NTNG1: variants seen among roughly 807,000 people sequenced by gnomAD.
NTNG1 encodes netrin G1.
A neutral mutation model predicts 54.0 loss-of-function variants in NTNG1; 16 were observed. The ratio of observed to expected loss-of-function variants is 0.30; its 90% confidence interval spans 0.20 to 0.45. The LOEUF (loss-of-function observed/expected upper bound fraction) is 0.45. Among genes scored for constraint, NTNG1 ranks in the 20% least tolerant of loss-of-function variants. The pLI is 1.00. For missense variants in NTNG1, 530 were observed against 678.7 expected (o/e 0.78, Z 2.43); for synonymous variants, 255 against 263.1 (o/e 0.97, Z 0.30).
chr1:107,350,829 A>C (rs1032490115), intron 3 of NTNG1, among the ~76,000 whole-genome samples: 4 of 152,198 alleles, frequency 2.6e-5, no homozygotes, highest in African/African-American at 9.6e-5. Context: ...GATGGTTGCC[A>C]GGGGATGGGA....
At chr1:107,264,316 T>C (rs1246755423) in intron 2 of NTNG1, among the ~76,000 whole-genome samples, 3 of 152,198 alleles carry the variant, frequency 2.0e-5, no homozygotes, top group East Asian at 1.9e-4. Context: ...ACACAATTTG[T>C]TGGAGGTTGA....
At chr1:107,188,061 AT>A (rs11373664) in intron 2 of NTNG1, among the ~76,000 whole-genome samples, 1 of 151,314 alleles carries the variant, frequency 6.6e-6, no homozygotes, top group African/African-American at 2.4e-5. Flanking sequence ...TGGCATAGGC[AT>A]TTTTTTTTGA....
intron 2 of NTNG1, among the ~76,000 whole-genome samples, chr1:107,162,887 A>G (rs1655513530): frequency 6.6e-6 from 1 of 152,214 alleles, no homozygotes; most frequent in Non-Finnish European, 1.5e-5. Flanking sequence ...TAAATATTGC[A>G]TCATCCATCA....
At chr1:107,460,085 GA>G (rs1459068551) in intron 7 of NTNG1, among the ~76,000 whole-genome samples, 1 of 152,088 alleles carries the variant, frequency 6.6e-6, no homozygotes, top group Non-Finnish European at 1.5e-5. Flanking sequence ...GTCAGGAAAG[GA>G]AAACCTCTAG....
At chr1:107,310,626 G>C (rs1666952458) in intron 2 of NTNG1, among the ~76,000 whole-genome samples, 1 of 152,036 alleles carries the variant, frequency 6.6e-6, no homozygotes, top group African/African-American at 2.4e-5. Flanking sequence ...TATATATCAG[G>C]TATGAACTTG....
At chr1:107,464,179 C>T (rs1182079128) in intron 7 of NTNG1, among the ~76,000 whole-genome samples, 1 of 152,198 alleles carries the variant, frequency 6.6e-6, no homozygotes, top group Admixed American at 6.5e-5. Context: ...TCTTTTCTTT[C>T]TTCGCAATCT....
At chr1:107,246,566 C>T (rs1300932521) in intron 2 of NTNG1, among the ~76,000 whole-genome samples, 2 of 151,904 alleles carry the variant, frequency 1.3e-5, no homozygotes, top group Non-Finnish European at 2.9e-5. Flanking sequence ...GCTGGGTTTC[C>T]ATTTGATTTT....
chr1:107,179,084 A>G (rs768337924), intron 2 of NTNG1, among the ~76,000 whole-genome samples: 3 of 152,194 alleles, frequency 2.0e-5, no homozygotes, highest in Non-Finnish European at 4.4e-5. Flanking sequence ...CAAAGAGAAG[A>G]CCCAGGGAGG....
At chr1:107,206,060 G>A (rs1204854948) in intron 2 of NTNG1, among the ~76,000 whole-genome samples, 1 of 152,072 alleles carries the variant, frequency 6.6e-6, no homozygotes, top group Non-Finnish European at 1.5e-5. Flanking sequence ...CAGGGCTGCT[G>A]AAACTTTCTA....
intron 4 of NTNG1, among the ~76,000 whole-genome samples, chr1:107,397,228 G>A (rs1672738731): frequency 1.3e-5 from 2 of 152,118 alleles, no homozygotes; most frequent in South Asian, 4.1e-4. Flanking sequence ...TGTTAAAATA[G>A]GCAGGTGATG....
At chr1:107,431,879 C>G (rs1240630845) in intron 6 of NTNG1, among the ~76,000 whole-genome samples, 2 of 152,114 alleles carry the variant, frequency 1.3e-5, no homozygotes, top group Non-Finnish European at 2.9e-5. Context: ...GATACACAAG[C>G]TGAATAATGA....
intron 3 of NTNG1, among the ~76,000 whole-genome samples, chr1:107,359,719 C>T (rs1437101956): frequency 1.3e-5 from 2 of 152,052 alleles, no homozygotes; most frequent in Non-Finnish European, 2.9e-5. Context: ...TTTGCATTCA[C>T]TGTTCATATC....
At chr1:107,419,542 T>C (rs1365567280) in intron 5 of NTNG1, among the ~76,000 whole-genome samples, 1 of 151,830 alleles carries the variant, frequency 6.6e-6, no homozygotes, top group Non-Finnish European at 1.5e-5. Flanking sequence ...TATTAACATC[T>C]AGCCTATAGA....
At chr1:107,276,829 T>C (rs1250755539) in intron 2 of NTNG1, among the ~76,000 whole-genome samples, 3 of 151,330 alleles carry the variant, frequency 2.0e-5, no homozygotes, top group South Asian at 2.1e-4. Context: ...TTTTCTTCTT[T>C]TTTTTTTTTG....
rs1467714292 is a variant in NTNG1, at chr1:107,482,220, CA to C, written c.*1381del. ...GCTGATCTATGTATCTTTCCAAATA[CA>C]GTGTTTACATGGAGTATCACAAGAC... On this transcript the variant is annotated 3_prime_UTR_variant, in exon 8 of 8. Coordinates refer to ENST00000370068, the MANE Select transcript of NTNG1 (RefSeq NM_001113226.3). 1 of 152,124 alleles carries C rather than the reference CA, an allele frequency of 6.6e-6. No individual in the cohort carries two copies. The highest frequency in any genetic ancestry group is 6.5e-5 in the Admixed American group (1 of 15,270). 9.4% of individuals were successfully genotyped at this position (152,124 alleles called of 1,614,324 possible).
At chr1:107,232,500 G>A (rs1304004982) in intron 2 of NTNG1, among the ~76,000 whole-genome samples, 4 of 152,086 alleles carry the variant, frequency 2.6e-5, no homozygotes, top group Non-Finnish European at 4.4e-5. Context: ...TTTAAATAGA[G>A]CAGTTCCTTT....
intron 7 of NTNG1, among the ~76,000 whole-genome samples, chr1:107,452,665 G>A (rs1312771595): frequency 6.6e-6 from 1 of 152,102 alleles, no homozygotes; most frequent in Non-Finnish European, 1.5e-5. Flanking sequence ...TGGTATAAAG[G>A]CAGGATGCCC....
intron 7 of NTNG1, among the ~76,000 whole-genome samples, chr1:107,438,291 G>C (rs1402082086): frequency 6.6e-6 from 1 of 152,158 alleles, no homozygotes; most frequent in African/African-American, 2.4e-5. Flanking sequence ...AGCCTTGCTG[G>C]AGAGGAACAC....
At chr1:107,474,067 A>G (rs1032047613) in intron 7 of NTNG1, among the ~76,000 whole-genome samples, 2 of 152,228 alleles carry the variant, frequency 1.3e-5, no homozygotes, top group Admixed American at 6.5e-5. Flanking sequence ...TTACCAAAGC[A>G]GTATTAGTTT....
Sources: allele counts gnomAD v4.1 joint callset (sites outside exome capture counted in the v4.1 genomes callset), GRCh38; gene constraint gnomAD v4.1.1; transcripts MANE v1.5; gene names NCBI Gene and HGNC (gene_info 2026-07-23, HGNC 2026-07-21).